Variants in SAXO1 observed in about 807,000 individuals in gnomAD.
SAXO1 encodes 4930500O09Rik.
SAXO1 carries 21 observed loss-of-function variants against 17.5 expected under a neutral mutation model. The observed-to-expected ratio is 1.20, with a 90% CI of 0.85 to 1.72. SAXO1 has a LOEUF of 1.72. Among genes scored for constraint, SAXO1 ranks in the 40% most tolerant of loss-of-function variants. The probability of loss-of-function intolerance (pLI) is 0.00; values close to 1 mark genes in which losing one functional copy is unlikely to be tolerated. For synonymous variants in SAXO1, 274 were observed against 216.5 expected (o/e 1.27, Z -2.33); for missense variants, 843 against 596.0 (o/e 1.41, Z -4.32).
At chr9:18,938,838 G>GTGTA (rs1831423110) in intron 3 of SAXO1, among the ~76,000 whole-genome samples, 3 of 151,182 alleles carry the variant, frequency 2.0e-5, no homozygotes, top group Non-Finnish European at 3.0e-5. Context: ...GTGTGTGTGT[G>GTGTA]TGTGTGTGTG....
intron 1 of SAXO1, among the ~76,000 whole-genome samples, chr9:19,048,109 A>G (rs1339101890): frequency 1.3e-5 from 2 of 152,238 alleles, no homozygotes; most frequent in Non-Finnish European, 1.5e-5. Flanking sequence ...TAGGAATTAA[A>G]ATATTTTTTG....
At chr9:18,968,391 G>C (rs1248959171) in intron 1 of SAXO1, among the ~76,000 whole-genome samples, 2 of 152,170 alleles carry the variant, frequency 1.3e-5, no homozygotes, top group Non-Finnish European at 2.9e-5. Flanking sequence ...TGAATAGATG[G>C]AGAGATGTGT....
intron 1 of SAXO1, among the ~76,000 whole-genome samples, chr9:19,001,984 C>G (rs11496357): frequency 0.26 from 39,350 of 151,998 alleles, 5,523 homozygotes; most frequent in African/African-American, 0.38. Context: ...ATCAACAAAA[C>G]AGATAGCCCA....
chr9:18,962,078 C>A (rs1375365350), intron 1 of SAXO1, among the ~76,000 whole-genome samples: 2 of 151,666 alleles, frequency 1.3e-5, no homozygotes, highest in Non-Finnish European at 2.9e-5. Flanking sequence ...TTTTCTTTTT[C>A]TTTCTTAAGA....
chr9:18,938,828 G>GTGTGTGTGTGTA (rs778287117), intron 3 of SAXO1, among the ~76,000 whole-genome samples: 5 of 114,122 alleles, frequency 4.4e-5, no homozygotes, highest in Admixed American at 1.9e-4. Flanking sequence ...GTGCGTGTGT[G>GTGTGTGTGTGTA]TGTGTGTGTG....
At position 18,928,934 on chromosome 9, in the gene SAXO1, G is replaced by A; in HGVS notation, c.543C>T (p.Gly181=). 6.2e-7 allele frequency: 1 copy of A among 1,614,168 alleles called. No homozygotes were observed. Among genetic ancestry groups the A allele is most frequent in the Non-Finnish European group, 8.5e-7 (1 of 1,180,026 alleles). ...TTHQDDYPIK[G]LVKTISCKPL... is the part of the protein sequence containing the mutation. Reference sequence around the variant, plus strand: ...GTTTACAGCTTATGGTCTTCACAAGGCCTTTTATGGGGTAATCGTCCTGGT... The same window carrying A: ...GTTTACAGCTTATGGTCTTCACAAGACCTTTTATGGGGTAATCGTCCTGGT... The change falls in exon 4 of 4, where the codon GGC becomes GGT. Residue 181 remains glycine (G), a synonymous_variant. Transcript: ENST00000380534.
At chr9:18,949,892 C>T (rs939133791) in intron 2 of SAXO1, among the ~76,000 whole-genome samples, 2 of 152,230 alleles carry the variant, frequency 1.3e-5, no homozygotes, top group African/African-American at 2.4e-5. Context: ...CACCTCACAG[C>T]AACCCTGCCC....
At chr9:18,941,923 T>C in intron 2 of SAXO1, 84 bp from the exon 3 acceptor site, 1 of 1,329,522 alleles carries the variant, frequency 7.5e-7, no homozygotes, top group Non-Finnish European at 1.1e-6. Flanking sequence ...TCTACAAACA[T>C]TTGCTGAGAA....
chr9:18,929,603 G>A (rs547401170), intron 3 of SAXO1, among the ~76,000 whole-genome samples: 2 of 152,212 alleles, frequency 1.3e-5, no homozygotes, highest in East Asian at 3.8e-4. Flanking sequence ...CAAGGGAATA[G>A]GGCATTGTAT....
At chr9:18,964,469 A>G (rs1442325451) in intron 1 of SAXO1, among the ~76,000 whole-genome samples, 1 of 152,208 alleles carries the variant, frequency 6.6e-6, no homozygotes, top group African/African-American at 2.4e-5. Context: ...TGGTCTATTC[A>G]GGGACTCAAA....
chr9:18,941,868 G>A (rs772816115), intron 2 of SAXO1, 29 bp from the exon 3 acceptor site: 20 of 1,608,600 alleles, frequency 1.2e-5, no homozygotes, highest in Admixed American at 5.0e-5. Flanking sequence ...ATGCTGTTGG[G>A]GTCCTTGGCT....
chr9:19,031,894 T>TA (rs1241802745), intron 1 of SAXO1, among the ~76,000 whole-genome samples: 1 of 152,222 alleles, frequency 6.6e-6, no homozygotes, highest in East Asian at 1.9e-4. Context: ...GAGTGCCCTT[T>TA]AATTCTCCAC....
intron 1 of SAXO1, among the ~76,000 whole-genome samples, chr9:18,952,368 G>C (rs936228886): frequency 1.3e-5 from 2 of 152,184 alleles, no homozygotes; most frequent in African/African-American, 4.8e-5. Flanking sequence ...ATGAGAGAAA[G>C]AAACCAAGAA....
intron 2 of SAXO1, among the ~76,000 whole-genome samples, chr9:18,945,712 A>C (rs372375389): frequency 6.6e-6 from 1 of 151,992 alleles, no homozygotes; most frequent in Non-Finnish European, 1.5e-5. Flanking sequence ...GAGTCCCTCA[A>C]CTCCCACTAA....
intron 1 of SAXO1, among the ~76,000 whole-genome samples, chr9:18,972,668 G>C (rs991721334): frequency 6.6e-6 from 1 of 152,154 alleles, no homozygotes; most frequent in East Asian, 1.9e-4. Context: ...AGAGGAAATG[G>C]ACCTGGAGTC....
chr9:18,972,666 T>C (rs1157437981), intron 1 of SAXO1, among the ~76,000 whole-genome samples: 2 of 152,142 alleles, frequency 1.3e-5, no homozygotes, highest in Non-Finnish European at 1.5e-5. Context: ...CAAGAGGAAA[T>C]GGACCTGGAG....
At chr9:18,993,143 T>G (rs1356806797) in intron 1 of SAXO1, among the ~76,000 whole-genome samples, 1 of 151,874 alleles carries the variant, frequency 6.6e-6, no homozygotes, top group East Asian at 1.9e-4. Flanking sequence ...GGGATATATG[T>G]GCAGAGTGTA....
intron 1 of SAXO1, among the ~76,000 whole-genome samples, chr9:18,999,411 G>A (rs1023613095): frequency 1.3e-4 from 19 of 151,976 alleles, no homozygotes; most frequent in Non-Finnish European, 2.1e-4. Flanking sequence ...CCGCCCAGCC[G>A]CCCCACCATC....
Position 19,032,929 on chromosome 9 carries a change from G to A in SAXO1, c.-21C>T, listed in dbSNP as rs1563994876. ...TTCATAGGGGCGATCCTGAGGCCCTGACGTCCCCTCAGAGCATCGCCAGCT... is the reference window on the plus strand; with the variant it reads ...TTCATAGGGGCGATCCTGAGGCCCTAACGTCCCCTCAGAGCATCGCCAGCT... On this transcript the variant is annotated 5_prime_UTR_variant, in exon 1 of 4. Transcript: ENST00000380534. The A allele has an allele frequency of 6.2e-7, 1 of 1,605,224 alleles. No homozygotes were observed. Among genetic ancestry groups the A allele is most frequent in the Non-Finnish European group, 8.5e-7 (1 of 1,178,224 alleles).
Sources: gnomAD v4.1 joint callset for allele counts (sites outside exome capture counted in the v4.1 genomes callset) on GRCh38, gnomAD v4.1.1 for gene constraint, MANE v1.5 for transcripts, NCBI Gene and HGNC (gene_info 2026-07-23, HGNC 2026-07-21) for gene names.